Variants in EPB41L4A observed in about 807,000 individuals in gnomAD.
The protein encoded by EPB41L4A is erythrocyte membrane protein band 4.1 like 4A, also known as band 4.1-like protein 4A.
EPB41L4A carries 100 observed loss-of-function variants against 108.6 expected under a neutral mutation model. That is an observed-to-expected ratio of 0.92 (90% CI 0.78 to 1.09). The LOEUF (loss-of-function observed/expected upper bound fraction) is 1.09. Ranked by LOEUF, EPB41L4A falls within the 50% of genes least tolerant of loss-of-function variation. EPB41L4A has a pLI of 0.00. For synonymous variants in EPB41L4A, 319 were observed against 289.0 expected (o/e 1.10, Z -1.05); for missense variants, 1,030 against 842.7 (o/e 1.22, Z -2.75).
chr5:112,181,182 T>C (rs1036327275), intron 18 of EPB41L4A, among the ~76,000 whole-genome samples: 1 of 152,188 alleles, frequency 6.6e-6, no homozygotes, highest in Non-Finnish European at 1.5e-5. Flanking sequence ...CCGGGCGTGG[T>C]GGCTCATGCC....
chr5:112,229,716 C>T (rs146529196), intron 12 of EPB41L4A, among the ~76,000 whole-genome samples: 314 of 152,240 alleles, frequency 2.1e-3, no homozygotes, highest in African/African-American at 7.3e-3. Flanking sequence ...AGGCCAGGCA[C>T]GGTGGCTCAC....
intron 18 of EPB41L4A, among the ~76,000 whole-genome samples, chr5:112,181,772 C>G (rs189354177): frequency 6.6e-6 from 1 of 152,184 alleles, no homozygotes; most frequent in East Asian, 1.9e-4. Flanking sequence ...AAAAACTCAT[C>G]ATAGATATCA....
At chr5:112,340,112 C>A (rs1189937164) in intron 1 of EPB41L4A, among the ~76,000 whole-genome samples, 3 of 152,114 alleles carry the variant, frequency 2.0e-5, no homozygotes, top group Non-Finnish European at 4.4e-5. Context: ...GCCCATCGAC[C>A]CCGCCCTTTC....
At chr5:112,231,982 G>C (rs1748988389) in intron 12 of EPB41L4A, among the ~76,000 whole-genome samples, 1 of 151,864 alleles carries the variant, frequency 6.6e-6, no homozygotes, top group South Asian at 2.1e-4. Context: ...GGGCGTGGTG[G>C]CGTATGCCTG....
chr5:112,202,810 G>A (rs1365902794), intron 15 of EPB41L4A, among the ~76,000 whole-genome samples: 1 of 152,088 alleles, frequency 6.6e-6, no homozygotes, highest in South Asian at 2.1e-4. Context: ...ATTAACTAGG[G>A]CATAGGTGAA....
At chr5:112,362,701 G>C (rs554865223) in intron 1 of EPB41L4A, among the ~76,000 whole-genome samples, 1 of 152,150 alleles carries the variant, frequency 6.6e-6, no homozygotes, top group African/African-American at 2.4e-5. Context: ...ACAGATAAAA[G>C]TCTTCTGTGC....
chr5:112,168,071 GTTGT>G (rs1294941048), intron 22 of EPB41L4A, among the ~76,000 whole-genome samples: 3 of 152,164 alleles, frequency 2.0e-5, no homozygotes, highest in Non-Finnish European at 4.4e-5. Flanking sequence ...TTTTACAGTG[GTTGT>G]TTAACCAGAT....
intron 9 of EPB41L4A, among the ~76,000 whole-genome samples, chr5:112,247,167 A>C (rs1561508435): frequency 6.6e-6 from 1 of 151,698 alleles, no homozygotes; most frequent in Non-Finnish European, 1.5e-5. Context: ...ATAAATGCCC[A>C]AGTTTTCAAA....
At chr5:112,329,464 C>T (rs993575337) in intron 1 of EPB41L4A, among the ~76,000 whole-genome samples, 1 of 152,214 alleles carries the variant, frequency 6.6e-6, no homozygotes, top group African/African-American at 2.4e-5. Flanking sequence ...AGTCCTGGCT[C>T]TGCTATTAAC....
intron 1 of EPB41L4A, among the ~76,000 whole-genome samples, chr5:112,358,412 G>GT (rs778913421): frequency 1.1e-4 from 17 of 152,198 alleles, no homozygotes; most frequent in Non-Finnish European, 1.5e-4. Context: ...CACAAAGACT[G>GT]TAACTGTCAA....
Position 112,356,091 on chromosome 5 carries a change from G to C in EPB41L4A, c.100-48601C>G, listed in dbSNP as rs968621852. Among the ~76,000 whole-genome samples, 6 of 152,098 alleles carry C rather than the reference G, an allele frequency of 3.9e-5. No individual in the cohort carries two copies. The South Asian group carries it at 1.2e-3, about 32-fold the overall frequency. On this transcript the variant is annotated intron_variant, in intron 1 of 22. Transcript: ENST00000261486. Reference sequence around the variant, plus strand: ...AGATAACTTATGTTAAATTTTGGAAGGGGGGTAAGGTGGGGATTGTATAAA... The same window carrying C: ...AGATAACTTATGTTAAATTTTGGAACGGGGGTAAGGTGGGGATTGTATAAA...
intron 18 of EPB41L4A, among the ~76,000 whole-genome samples, chr5:112,179,531 T>C (rs534064850): frequency 6.6e-6 from 1 of 152,116 alleles, no homozygotes; most frequent in East Asian, 1.9e-4. Context: ...CATTCAAAAT[T>C]GAATCCATTT....
intron 13 of EPB41L4A, chr5:112,143,904 G>A (rs755546308): frequency 1.8e-5 from 8 of 454,230 alleles, no homozygotes; most frequent in Non-Finnish European, 3.5e-5. Context: ...AAAGAAGGGG[G>A]AAATGTGCTC....
chr5:112,248,389 A>G (rs140178585), intron 9 of EPB41L4A, among the ~76,000 whole-genome samples: 349 of 152,308 alleles, frequency 2.3e-3, no homozygotes, highest in African/African-American at 8.0e-3. Flanking sequence ...TCCTACTAAA[A>G]TACTTTATCC....
Position 112,342,631 on chromosome 5 carries a change from TCAGCAGC to T in EPB41L4A, c.100-35148_100-35142del, listed in dbSNP as rs898217109. Among the ~76,000 whole-genome samples the T allele has an allele frequency of 3.3e-5, 5 of 152,174 alleles. No individual in the cohort carries two copies. In the South Asian group the frequency reaches 1.0e-3, roughly 32 times the overall value. On this transcript the variant is annotated intron_variant, in intron 1 of 22. Coordinates refer to ENST00000261486, the MANE Select transcript of EPB41L4A (RefSeq NM_022140.5). Reference sequence around the variant, plus strand: ...CTAGTCGAGCAAGAGCAGTCAGCAGTCAGCAGCCAGCAGCAGGAGCAACTGCCTCCAT... The same window carrying T: ...CTAGTCGAGCAAGAGCAGTCAGCAGTCAGCAGCAGGAGCAACTGCCTCCAT...
chr5:112,380,453 ATAACTC>A (rs750305846), intron 1 of EPB41L4A, among the ~76,000 whole-genome samples: 1 of 152,192 alleles, frequency 6.6e-6, no homozygotes, highest in Non-Finnish European at 1.5e-5. Flanking sequence ...AAATGATAAA[ATAACTC>A]TAAAGATAGA....
rs1760004170 is a variant in EPB41L4A, at chr5:112,162,964, TGA to T, written c.*2024_*2025del. On this transcript the variant is annotated 3_prime_UTR_variant, in exon 23 of 23. Transcript: ENST00000261486. ...CCCTGTTTTAGAACTGAGTCCTTAC[TGA>T]GGCTTGTAAGATGGCTATTATGGGA... 6.6e-6 allele frequency: 1 copy of T among 152,170 alleles called. No homozygotes were observed. Among genetic ancestry groups the T allele is most frequent in the African/African-American group, 2.4e-5 (1 of 41,432 alleles). The allele number at this position is 152,170 out of a possible 1,614,324, so 9.4% of individuals were successfully genotyped here. A position where few individuals can be genotyped will look rare whatever the true frequency, so the allele number is the denominator to read the frequency against.
intron 18 of EPB41L4A, among the ~76,000 whole-genome samples, chr5:112,177,821 T>C (rs950654728): frequency 2.6e-5 from 4 of 151,286 alleles, no homozygotes; most frequent in Non-Finnish European, 5.9e-5. Flanking sequence ...ATAATAAAAG[T>C]ATAGGTAAGA....
At chr5:112,341,171 C>G (rs1327798578) in intron 1 of EPB41L4A, among the ~76,000 whole-genome samples, 1 of 152,196 alleles carries the variant, frequency 6.6e-6, no homozygotes, top group Non-Finnish European at 1.5e-5. Context: ...TTCATGGGAA[C>G]AGGGACTTTT....
Sources: gnomAD v4.1 joint callset for allele counts (sites outside exome capture counted in the v4.1 genomes callset) on GRCh38, gnomAD v4.1.1 for gene constraint, MANE v1.5 for transcripts, NCBI Gene and HGNC (gene_info 2026-07-23, HGNC 2026-07-21) for gene names.